CFAP20DC: variants seen among roughly 807,000 people sequenced by gnomAD.
The protein encoded by CFAP20DC is protein CFAP20DC.
Under a neutral mutation model 101.7 loss-of-function variants are expected in CFAP20DC, and 84 were observed. The ratio of observed to expected loss-of-function variants is 0.83; its 90% CI spans 0.69 to 0.99. The LOEUF (loss-of-function observed/expected upper bound fraction) is 0.99, where lower values mean the gene tolerates loss of function less well. Among genes scored for constraint, CFAP20DC ranks in the 50% least tolerant of loss-of-function variants. The pLI is 0.00. For synonymous variants in CFAP20DC, 359 were observed against 351.2 expected, an observed-to-expected ratio of 1.02 and a Z score of -0.25; for missense variants, 1,007 against 970.3, an observed-to-expected ratio of 1.04 and a Z score of -0.50.
chr3:59,008,344 A>C (rs1056419307), intron 4 of CFAP20DC, among the ~76,000 whole-genome samples: 1 of 152,150 alleles, frequency 6.6e-6, no homozygotes, highest in Non-Finnish European at 1.5e-5. Flanking sequence ...AACCTAATTA[A>C]GAGCTTCCCC....
chr3:58,789,343 T>G (rs1190000909), intron 15 of CFAP20DC, among the ~76,000 whole-genome samples: 1 of 145,534 alleles, frequency 6.9e-6, no homozygotes, highest in Non-Finnish European at 1.5e-5. Flanking sequence ...AGGTGGGATT[T>G]AATTTAGTGC....
In CFAP20DC at chr3:59,015,279, A is replaced by G. The variant is rs2093665544; in HGVS notation, c.278+24278T>C. On this transcript the variant is annotated intron_variant, in intron 4 of 16. Coordinates refer to ENST00000482387, the MANE Select transcript of CFAP20DC (RefSeq NM_001394063.1). The surrounding 1 kb of genome is among the most constrained non-coding windows in gnomAD (Gnocchi z 5.4). Reference sequence around the variant, plus strand: ...CCACTTTCTCTTCTTGAGTAAGTTTACTCCCACAGGAGTAGAAGTGAGAGA... The same window carrying G: ...CCACTTTCTCTTCTTGAGTAAGTTTGCTCCCACAGGAGTAGAAGTGAGAGA... Among the ~76,000 whole-genome samples the G allele has an allele frequency of 1.3e-5, 2 of 151,986 alleles. No homozygotes were observed. The highest frequency in any genetic ancestry group is 1.3e-4 in the Admixed American group (2 of 15,254).
chr3:58,807,205 G>A (rs2074155662), intron 14 of CFAP20DC, among the ~76,000 whole-genome samples: 1 of 152,196 alleles, frequency 6.6e-6, no homozygotes, highest in African/African-American at 2.4e-5. Flanking sequence ...CAGCTTTGAA[G>A]AGAGCAGTGG....
At chr3:58,983,514 C>A (rs911171154) in intron 4 of CFAP20DC, among the ~76,000 whole-genome samples, 1 of 151,974 alleles carries the variant, frequency 6.6e-6, no homozygotes, top group Non-Finnish European at 1.5e-5. Flanking sequence ...GAAAGATTTA[C>A]ACAACAAAAT....
At position 58,937,675 on chromosome 3, in the gene CFAP20DC, A is replaced by C; in HGVS notation, c.366T>G (p.Ile122Met). The C allele has an allele frequency of 1.2e-6, 2 of 1,610,056 alleles. No homozygotes were observed. Among genetic ancestry groups the C allele is most frequent in the Non-Finnish European group, 8.5e-7 (1 of 1,176,358 alleles). ...TTTTACGTTTGATCATGAAGAGTGG[A>C]ATTTTTGCATGAAGAGGGGTGGAGG... ...ELSSTPLHAK[I>M]PLFMIKRKIW... Residue 122 changes from isoleucine to methionine, a missense_variant, in exon 5 of 17, where the codon ATT (isoleucine) becomes ATG (methionine). Physicochemically the swap from Ile to Met is conservative, Grantham distance 10. Coordinates refer to ENST00000482387, the MANE Select transcript of CFAP20DC (RefSeq NM_001394063.1).
downstream of CFAP20DC, among the ~76,000 whole-genome samples, chr3:58,740,512 T>C (rs1334432420): frequency 2.0e-5 from 3 of 152,156 alleles, no homozygotes; most frequent in Non-Finnish European, 4.4e-5. The surrounding 1 kb of genome is among the most constrained non-coding windows in gnomAD (Gnocchi z 4.6). Flanking sequence ...TCCCAGAGCT[T>C]GATTGTTCAG....
intron 4 of CFAP20DC, among the ~76,000 whole-genome samples, chr3:58,981,595 A>G (rs1254269559): frequency 1.3e-5 from 2 of 152,224 alleles, no homozygotes; most frequent in Non-Finnish European, 2.9e-5. Flanking sequence ...TGAGAAAAAC[A>G]AGCAATGGGG....
chr3:59,038,930 GTTAAT>G (rs1187462313), intron 4 of CFAP20DC, among the ~76,000 whole-genome samples: 3 of 152,130 alleles, frequency 2.0e-5, no homozygotes, highest in Admixed American at 6.5e-5. Context: ...AAATGTAATG[GTTAAT>G]TTAAAGTATA....
At chr3:58,835,411 C>G (rs1389509145) in intron 13 of CFAP20DC, among the ~76,000 whole-genome samples, 2 of 152,188 alleles carry the variant, frequency 1.3e-5, no homozygotes, top group Non-Finnish European at 2.9e-5. Context: ...ACTCCCACCA[C>G]TGGCAGGCAG....
At chr3:58,759,425 T>C (rs1475109743) in intron 15 of CFAP20DC, among the ~76,000 whole-genome samples, 2 of 152,246 alleles carry the variant, frequency 1.3e-5, no homozygotes, top group Non-Finnish European at 2.9e-5. Context: ...TTGTAGATTC[T>C]GGATATTAGC....
chr3:58,722,579 C>G lies in CFAP20DC; in HGVS notation c.198-4951G>C, dbSNP rs2067487996. 6.6e-6 allele frequency among the ~76,000 whole-genome samples: 1 copy of G among 152,170 alleles called. No homozygotes were observed. The highest frequency in any genetic ancestry group is 6.5e-5 in the Admixed American group (1 of 15,280). On this transcript the variant is annotated intron_variant, in intron 3 of 3. Transcript: ENST00000486145. The surrounding 1 kb of genome is among the most constrained non-coding windows in gnomAD (Gnocchi z 4.5). ...AGATGCCACCTTCAACTCAAAAGCC[C>G]AGCTCTCCCCTTCGACGCAGGGTCA...
chr3:58,963,989 C>T (rs1330738266), intron 4 of CFAP20DC, among the ~76,000 whole-genome samples: 1 of 152,166 alleles, frequency 6.6e-6, no homozygotes, highest in African/African-American at 2.4e-5. Flanking sequence ...TAGACAGGAC[C>T]TAAGGCCATC....
intron 6 of CFAP20DC, among the ~76,000 whole-genome samples, chr3:58,890,445 C>T (rs1210827021): frequency 7.0e-6 from 1 of 142,616 alleles, no homozygotes; most frequent in Non-Finnish European, 1.5e-5. Context: ...GGCTGACCCC[C>T]CCCACGTCCC....
intron 15 of CFAP20DC, among the ~76,000 whole-genome samples, chr3:58,769,947 G>C (rs2070691270): frequency 6.6e-6 from 1 of 152,090 alleles, no homozygotes; most frequent in Non-Finnish European, 1.5e-5. Flanking sequence ...AAACAGAGAG[G>C]ATCCAGTTTC....
At chr3:58,962,589 G>C (rs567688084) in intron 4 of CFAP20DC, among the ~76,000 whole-genome samples, 1 of 152,198 alleles carries the variant, frequency 6.6e-6, no homozygotes, top group African/African-American at 2.4e-5. Flanking sequence ...ATTGCTTGGT[G>C]GTCACCAACA....
chr3:58,955,701 G>C (rs1397942199), intron 4 of CFAP20DC, among the ~76,000 whole-genome samples: 1 of 151,966 alleles, frequency 6.6e-6, no homozygotes, highest in Non-Finnish European at 1.5e-5. Flanking sequence ...AGTGAACTGG[G>C]GGGGCATGTG....
chr3:58,818,996 C>G (rs992245872), intron 14 of CFAP20DC, among the ~76,000 whole-genome samples: 1 of 151,116 alleles, frequency 6.6e-6, no homozygotes, highest in African/African-American at 2.5e-5. Flanking sequence ...CTCACTCAAA[C>G]CCGCTCAACT....
At chr3:58,888,846 G>T (rs2081897432) in intron 6 of CFAP20DC, among the ~76,000 whole-genome samples, 1 of 152,116 alleles carries the variant, frequency 6.6e-6, no homozygotes, top group African/African-American at 2.4e-5. Context: ...TGGGATTGCT[G>T]GGTCAAATGA....
In CFAP20DC at chr3:58,949,697, G is replaced by T. The variant is rs1291721958; in HGVS notation, c.279-11935C>A. On this transcript the variant is annotated intron_variant, in intron 4 of 16. Coordinates refer to ENST00000482387, the MANE Select transcript of CFAP20DC (RefSeq NM_001394063.1). ...GATTATCTCAATAGATGCAGAAAAG[G>T]CCTTTGACAAAATTCAAAAACCCTT... is the stretch of plus-strand genomic sequence containing the variant. Among the ~76,000 whole-genome samples the T allele has an allele frequency of 2.0e-5, 3 of 152,038 alleles. No individual in the cohort carries two copies. The East Asian group carries it at 5.8e-4, about 29-fold the overall frequency.
Sources: allele counts gnomAD v4.1 joint callset (sites outside exome capture counted in the v4.1 genomes callset), GRCh38; gene constraint gnomAD v4.1.1; non-coding constraint Gnocchi (gnomAD v3.1); transcripts MANE v1.5; gene names NCBI Gene and HGNC (gene_info 2026-07-23, HGNC 2026-07-21).